HYI: variants seen among roughly 807,000 people sequenced by gnomAD.
HYI encodes putative hydroxypyruvate isomerase.
Under a neutral mutation model 39.7 loss-of-function variants are expected in HYI, and 47 were observed. The observed-to-expected ratio is 1.18, with a 90% CI of 0.94 to 1.51. The LOEUF (loss-of-function observed/expected upper bound fraction) is 1.51. Ranked by LOEUF, HYI falls within the 40% of genes most tolerant of loss-of-function variation. The pLI is 0.00. For missense variants in HYI, 465 were observed against 370.3 expected, an observed-to-expected ratio of 1.26 and a Z score of -2.10; for synonymous variants, 186 against 158.8, an observed-to-expected ratio of 1.17 and a Z score of -1.29.
At position 43,451,918 on chromosome 1, in the gene HYI, C is replaced by G. The variant is rs778630508; in HGVS notation, c.505+17G>C. ...GAATCAAAAGGGACAGAAGGAGAGA[C>G]AGGGCTGGGGTCGTACCCTGCTGGG... On this transcript the variant is annotated intron_variant, in intron 4 of 7. Transcript: ENST00000372430. The G allele has an allele frequency of 2.6e-5, 42 of 1,612,996 alleles. No homozygotes were observed. In the Admixed American group the frequency reaches 6.0e-4, roughly 23 times the overall value.
chr1:43,453,173 A>C, intron 2 of HYI: 1 of 652,986 alleles, frequency 1.5e-6, no homozygotes, highest in East Asian at 2.7e-5. Context: ...CCAGCATGGG[A>C]TCCCAGCATG....
rs757986927 is a variant in HYI, at chr1:43,453,769, T to G, written c.25A>C (p.Asn9His). Residue 9 changes from asparagine to histidine, a missense_variant, in exon 1 of 8, where the codon AAT becomes CAT. Asn to His is a moderately conservative substitution (Grantham distance 68). Coordinates refer to ENST00000372430, the MANE Select transcript of HYI (RefSeq NM_001190880.3). ...AGCTCGGGGAATAGCCAGGACAGAT[T>G]GGCGGAGAAGCGCAGCGGCGCCATG... MAPLRFSANLSWLFPELSG... is the reference protein window; with the variant it reads MAPLRFSAHLSWLFPELSG... 1 of 1,297,534 alleles carries G rather than the reference T, an allele frequency of 7.7e-7. No individual in the cohort carries two copies. The highest frequency in any genetic ancestry group is 9.7e-7 in the Non-Finnish European group (1 of 1,026,850). The allele number at this position is 1,297,534 out of a possible 1,614,324, so 80.4% of individuals were successfully genotyped here.
At chr1:43,452,473 A>G (rs1465256509) in intron 2 of HYI, 154 bp from the exon 3 acceptor site, 2 of 718,104 alleles carry the variant, frequency 2.8e-6, no homozygotes, top group Non-Finnish European at 5.1e-6. Flanking sequence ...ACTTTCAGAG[A>G]CACTTCAGTG....
intron 2 of HYI, chr1:43,452,902 C>G (rs749994763): frequency 1.3e-6 from 2 of 1,598,708 alleles, no homozygotes; most frequent in Non-Finnish European, 1.7e-6. Flanking sequence ...AGGCTACATA[C>G]ATGTCCAGCC....
At chr1:43,450,890 T>C (rs1656312997), downstream of HYI, 1 of 734,850 alleles carries the variant, frequency 1.4e-6, no homozygotes, top group Admixed American at 1.7e-5. The surrounding 1 kb of genome is among the most constrained non-coding windows in gnomAD (Gnocchi z 4.3). Flanking sequence ...GGTCTTCACT[T>C]CCCACTTGGA....
chr1:43,451,505 G>T lies in HYI; in HGVS notation c.665C>A (p.Pro222His), dbSNP rs755520098. The T allele has an allele frequency of 6.2e-7, 1 of 1,614,156 alleles. No homozygotes were observed. The highest frequency in any genetic ancestry group is 1.1e-5 in the South Asian group (1 of 91,082). ...QVAQVPGRGEPSSPGELNFPY... is the reference protein window; with the variant it reads ...QVAQVPGRGEHSSPGELNFPY... ...GAAATTCAGCTCTCCGGGGCTGCTG[G>T]GCTCCCCTCGGCCTGGGACCTGTGC... The change falls in exon 7 of 8, where the codon CCC (proline) becomes CAC (histidine). Residue 222 changes from proline (P) to histidine (H), a missense_variant. Transcript: ENST00000372430.
chr1:43,453,466 C>T lies in HYI; in HGVS notation c.231G>A (p.Gly77=), dbSNP rs377170811. 3.4e-5 allele frequency: 53 copies of T among 1,561,836 alleles called. No homozygotes were observed. Among genetic ancestry groups the T allele is most frequent in the Non-Finnish European group, 4.6e-5 (53 of 1,152,080 alleles). Residue 77 remains glycine, a synonymous_variant, in exon 2 of 8, where the codon GGG becomes GGA. Transcript: ENST00000372430. The part of the protein sequence containing the change: ...GDQEKGEMGL[G]AVPGRQAAFR... Reference sequence around the variant, plus strand: ...AGGCCGCCTGTCTCCCGGGGACGGCCCCCAGCCCCATTTCCCCCTTCTCTT... The same window carrying T: ...AGGCCGCCTGTCTCCCGGGGACGGCTCCCAGCCCCATTTCCCCCTTCTCTT...
chr1:43,450,897 T>G (rs750701634), downstream of HYI: 2 of 737,594 alleles, frequency 2.7e-6, no homozygotes, highest in Admixed American at 3.4e-5. The surrounding 1 kb of genome is among the most constrained non-coding windows in gnomAD (Gnocchi z 4.3). Flanking sequence ...ACTTCCCACT[T>G]GGACATCACT....
At position 43,453,636 on chromosome 1, in the gene HYI, C is replaced by A; in HGVS notation, c.158G>T (p.Arg53Leu). 1 of 1,491,626 alleles carries A rather than the reference C, an allele frequency of 6.7e-7. No individual in the cohort carries two copies. 92.4% of individuals were successfully genotyped at this position (1,491,626 alleles called of 1,614,324 possible). Residue 53 changes from arginine (R) to leucine (L), a missense_variant, in exon 1 of 8, where the codon CGA (arginine) becomes CTA (leucine). Physicochemically the swap from Arg to Leu is moderately radical, Grantham distance 102. Coordinates refer to ENST00000372430, the MANE Select transcript of HYI (RefSeq NM_001190880.3). Reference protein sequence around the residue: ...ETPEALARAAREAGLRLVLIN... With the variant: ...ETPEALARAALEAGLRLVLIN... ...CAGTACAAGCCGCAGCCCCGCTTCT[C>A]GCGCGGCGCGCGCCAGCGCCTCAGG...
Position 43,453,610 on chromosome 1 carries a change from TC to T in HYI, c.183del (p.Ile62SerfsTer46). 8 of 1,529,424 alleles carry T rather than the reference TC, an allele frequency of 5.2e-6. No individual in the cohort carries two copies. Among genetic ancestry groups the T allele is most frequent in the African/African-American group, 1.4e-5 (1 of 72,178 alleles). 94.7% of individuals were successfully genotyped at this position (1,529,424 alleles called of 1,614,324 possible). ...CGCGACGCACCCGGGGGCGTGTTGA[TC>T]AGTACAAGCCGCAGCCCCGCTTCTC... ...AAREAGLRLV[L>X]INTPPGDQEK... On this transcript the variant is annotated frameshift_variant, in exon 1 of 8. Coordinates refer to ENST00000372430, the MANE Select transcript of HYI (RefSeq NM_001190880.3). LOFTEE classifies it high-confidence loss of function.
At chr1:43,450,899 G>A (rs368050625), downstream of HYI, 66 of 739,992 alleles carry the variant, frequency 8.9e-5, no homozygotes, top group Non-Finnish European at 1.4e-4. This position sits in a 1 kb window ranked among gnomAD's most constrained non-coding sequence, Gnocchi z 4.3. Flanking sequence ...TTCCCACTTG[G>A]ACATCACTGC....
Position 43,452,293 on chromosome 1 carries a change from G to C in HYI, c.338C>G (p.Pro113Arg). ...PRIHLMAGRV[P>R]QGADRIAVKA... Reference sequence around the variant, plus strand: ...GACTGCTATTCGATCAGCTCCCTGGGGTACTCGGCCAGCCATCAGGTGGAT... The same window carrying C: ...GACTGCTATTCGATCAGCTCCCTGGCGTACTCGGCCAGCCATCAGGTGGAT... Residue 113 changes from proline to arginine, a missense_variant, in exon 3 of 8, where the codon CCC becomes CGC. Transcript: ENST00000372430. 1 of 1,614,014 alleles carries C rather than the reference G, an allele frequency of 6.2e-7. No homozygotes were observed. The highest frequency in any genetic ancestry group is 8.5e-7 in the Non-Finnish European group (1 of 1,179,972).
chr1:43,452,402 C>T lies in HYI; in HGVS notation c.312-83G>A, dbSNP rs760221659. 44 of 1,112,480 alleles carry T rather than the reference C, an allele frequency of 4.0e-5. No individual in the cohort carries two copies. In the East Asian group the frequency reaches 7.7e-4, roughly 19 times the overall value. The allele number at this position is 1,112,480 out of a possible 1,614,324, so 68.9% of individuals were successfully genotyped here. ...AGGATTCCCTGACTGTGCCAGCCCT[C>T]GTCCGTCTCCCCAGGTCTCCAGTCC... On this transcript the variant is annotated intron_variant, in intron 2 of 7. Coordinates refer to ENST00000372430, the MANE Select transcript of HYI (RefSeq NM_001190880.3).
rs17850048 is a variant in HYI at position 43,451,262 on chromosome 1, C to T, written c.810G>A (p.Arg270=). The T allele has an allele frequency of 6.2e-7, 1 of 1,613,996 alleles. No individual in the cohort carries two copies. Among genetic ancestry groups the T allele is most frequent in the African/African-American group, 1.3e-5 (1 of 74,940 alleles). The change falls in exon 8 of 8, where the codon CGG becomes CGA. Residue 270 remains arginine, a synonymous_variant. Transcript: ENST00000372430. ...CTCACTGGCCAGCCTCTGGGTGGCCCCGCCTATCCCAGTATGAACGTAGCC... is the reference window on the plus strand; with the variant it reads ...CTCACTGGCCAGCCTCTGGGTGGCCTCGCCTATCCCAGTATGAACGTAGCC... ...LSWLRSYWDR[R]GHPEAGQ
At chr1:43,452,878 C>T (rs1656591438) in intron 2 of HYI, 2 of 1,579,646 alleles carry the variant, frequency 1.3e-6, no homozygotes, top group African/African-American at 1.4e-5. Context: ...CATTCCAGGC[C>T]TCCCCATCCC....
At chr1:43,451,620 G>A (rs929299762) in intron 6 of HYI, 28 bp downstream of exon 6, 2 of 1,614,068 alleles carry the variant, frequency 1.2e-6, no homozygotes, top group Non-Finnish European at 1.7e-6. Flanking sequence ...GATTGAAAGG[G>A]TGGGAGGGCA....
At position 43,451,120 on chromosome 1, in the gene HYI, T is replaced by C. The variant is rs746661410; in HGVS notation, c.*118A>G. ...AGAGAAACTGAAGTGTTAGACACTA[T>C]GTGTCCCACCACCCCATTACAGAGA... On this transcript the variant is annotated 3_prime_UTR_variant, in exon 8 of 8. Transcript: ENST00000372430. The C allele has an allele frequency of 1.0e-6, 1 of 989,028 alleles. No individual in the cohort carries two copies. Among genetic ancestry groups the C allele is most frequent in the Non-Finnish European group, 1.6e-6 (1 of 616,982 alleles). The allele number at this position is 989,028 out of a possible 1,614,324, so 61.3% of individuals were successfully genotyped here. A position where few individuals can be genotyped will look rare whatever the true frequency, so the allele number is the denominator to read the frequency against.
chr1:43,453,285 G>A, intron 2 of HYI, 101 bp downstream of exon 2: 2 of 766,026 alleles, frequency 2.6e-6, no homozygotes, highest in East Asian at 5.4e-5. Context: ...ATAAACCAGT[G>A]GGCTCAGACT....
At chr1:43,453,534 ACT>A in intron 1 of HYI, 37 bp from the exon 2 acceptor site, 1 of 1,524,506 alleles carries the variant, frequency 6.6e-7, no homozygotes, top group Non-Finnish European at 8.8e-7. Context: ...CGGCTCGGAC[ACT>A]CCCCTGCCCG....
Sources: allele counts gnomAD v4.1 joint callset, GRCh38; gene constraint gnomAD v4.1.1; non-coding constraint Gnocchi (gnomAD v3.1); transcripts MANE v1.5; gene names NCBI Gene and HGNC (gene_info 2026-07-23, HGNC 2026-07-21).